PCNX1: variants seen among roughly 807,000 people sequenced by gnomAD.
The protein encoded by PCNX1 is pecanex-like protein 1.
PCNX1 carries 78 observed loss-of-function variants against 242.2 expected under a neutral mutation model. That is an observed-to-expected ratio of 0.32 (90% CI 0.27 to 0.39). PCNX1 has a LOEUF of 0.39. PCNX1 is among the 10% of genes least tolerant of loss of function. The pLI is 1.00. For synonymous variants in PCNX1, 1,024 were observed against 1,032.9 expected (o/e 0.99, Z 0.17); for missense variants, 2,581 against 2,856.5 (o/e 0.90, Z 2.20).
intron 11 of PCNX1, among the ~76,000 whole-genome samples, chr14:71,014,482 A>T (rs1036099916): frequency 1.3e-5 from 2 of 152,236 alleles, no homozygotes; most frequent in African/African-American, 4.8e-5. Context: ...TAAAACAGTT[A>T]TAACTGCTTT....
At chr14:70,928,089 T>A (rs1280372659) in intron 1 of PCNX1, among the ~76,000 whole-genome samples, 1 of 152,204 alleles carries the variant, frequency 6.6e-6, no homozygotes, top group Non-Finnish European at 1.5e-5. Context: ...TTATTTTGAT[T>A]CTTAAAAGCT....
At chr14:70,982,247 G>T (rs1422223378) in intron 6 of PCNX1, among the ~76,000 whole-genome samples, 3 of 152,122 alleles carry the variant, frequency 2.0e-5, no homozygotes, top group Non-Finnish European at 4.4e-5. Context: ...GGACTCTCAA[G>T]TCTAATAAAC....
At chr14:70,950,376 G>T (rs566841694) in intron 2 of PCNX1, among the ~76,000 whole-genome samples, 1 of 152,214 alleles carries the variant, frequency 6.6e-6, no homozygotes, top group South Asian at 2.1e-4. Context: ...ATGATGCACA[G>T]TATCTCATTA....
At chr14:70,920,813 G>A (rs1351584691) in intron 1 of PCNX1, among the ~76,000 whole-genome samples, 1 of 152,312 alleles carries the variant, frequency 6.6e-6, no homozygotes, top group Non-Finnish European at 1.5e-5. Flanking sequence ...GAAGGAGGAT[G>A]TAATTATTTC....
At chr14:70,914,745 A>C (rs1464914836) in intron 1 of PCNX1, among the ~76,000 whole-genome samples, 2 of 152,174 alleles carry the variant, frequency 1.3e-5, no homozygotes, top group African/African-American at 2.4e-5. Context: ...AGGGAGATGC[A>C]TGTAAATTAA....
intron 22 of PCNX1, among the ~76,000 whole-genome samples, chr14:71,050,429 A>G (rs2060994319): frequency 6.6e-6 from 1 of 152,196 alleles, no homozygotes; most frequent in South Asian, 2.1e-4. Context: ...AAATCCATAT[A>G]TAGCTACCTA....
rs749537800 is a variant in PCNX1, at chr14:70,907,808, A to ACGGCGG, written c.-28_-23dup. ...AGGCCGAGCTGGGGCCGGGGCGGGG[A>ACGGCGG]CGGCGGCGGCGGCGGCGGCGACGGC... is the stretch of plus-strand genomic sequence containing the variant. On this transcript the variant is annotated 5_prime_UTR_variant, in exon 1 of 36. Coordinates refer to ENST00000304743, the MANE Select transcript of PCNX1 (RefSeq NM_014982.3). The ACGGCGG allele has an allele frequency of 9.7e-5, 118 of 1,216,740 alleles. No homozygotes were observed. The highest frequency in any genetic ancestry group is 8.2e-4 in the African/African-American group (49 of 59,972). 75.4% of individuals were successfully genotyped at this position (1,216,740 alleles called of 1,614,324 possible).
intron 28 of PCNX1, among the ~76,000 whole-genome samples, chr14:71,079,824 C>G (rs752293488): frequency 6.6e-6 from 1 of 152,116 alleles, no homozygotes; most frequent in Admixed American, 6.5e-5. Flanking sequence ...TGTAGGTTGC[C>G]TGTTCACTCT....
chr14:71,067,799 C>A (rs1000644646), intron 26 of PCNX1, among the ~76,000 whole-genome samples: 1 of 151,814 alleles, frequency 6.6e-6, no homozygotes, highest in Non-Finnish European at 1.5e-5. Flanking sequence ...GATTCTGGTA[C>A]GTTGTGTCTT....
At chr14:71,105,545 G>T in intron 33 of PCNX1, 105 bp downstream of exon 33, 1 of 858,260 alleles carries the variant, frequency 1.2e-6, no homozygotes, top group Non-Finnish European at 1.8e-6. Context: ...TGGAAATTCA[G>T]AAATAGAATT....
Position 71,026,776 on chromosome 14 carries a change from T to C in PCNX1, c.3360T>C (p.Phe1120=), listed in dbSNP as rs1190855488. The C allele has an allele frequency of 7.2e-7, 1 of 1,397,192 alleles. No individual in the cohort carries two copies. The highest frequency in any genetic ancestry group is 1.0e-6 in the Non-Finnish European group (1 of 985,772). The allele number at this position is 1,397,192 out of a possible 1,614,324, so 86.5% of individuals were successfully genotyped here. A position where few individuals can be genotyped will look rare whatever the true frequency, so the allele number is the denominator to read the frequency against. ...TACTTTTCTTTCTTTTTATAGTGTT[T>C]ACACTCTGTTTCCCAATAGTGTTTT... ...FISARDLVIV[F]TLCFPIVFFI... is the part of the protein sequence containing the mutation. Residue 1120 remains phenylalanine (F), a synonymous_variant, in exon 15 of 36, where the codon TTT becomes TTC. Transcript: ENST00000304743.
chr14:71,088,660 A>G (rs917918085), intron 29 of PCNX1, among the ~76,000 whole-genome samples: 9 of 152,178 alleles, frequency 5.9e-5, no homozygotes, highest in African/African-American at 2.2e-4. Flanking sequence ...ATGAGAATAT[A>G]ATGAATTTAA....
At chr14:70,993,586 AT>A (rs1381835387) in intron 7 of PCNX1, among the ~76,000 whole-genome samples, 1 of 152,170 alleles carries the variant, frequency 6.6e-6, no homozygotes, top group Non-Finnish European at 1.5e-5. Flanking sequence ...TATATTGGAT[AT>A]ACATTGTGCA....
At chr14:71,069,798 G>C (rs776952092) in intron 26 of PCNX1, among the ~76,000 whole-genome samples, 15 of 152,222 alleles carry the variant, frequency 9.9e-5, no homozygotes, top group Non-Finnish European at 1.9e-4. Context: ...GTTGATGGCT[G>C]CTAACTGGTC....
intron 8 of PCNX1, among the ~76,000 whole-genome samples, chr14:71,003,102 A>ATTTTTTTTTTTTTTTTT (rs2059556546): frequency 3.9e-5 from 1 of 25,744 alleles, no homozygotes; most frequent in African/African-American, 3.1e-4. Flanking sequence ...TTTTTTTTTG[A>ATTTTTTTTTTTTTTTTT]GACAGAGTCT....
chr14:71,062,733 T>C (rs1008519961), intron 26 of PCNX1, among the ~76,000 whole-genome samples: 6 of 152,222 alleles, frequency 3.9e-5, no homozygotes, highest in Non-Finnish European at 7.3e-5. Context: ...TCTACAGTAG[T>C]GTACAGTAAC....
In PCNX1 at chr14:71,068,667, C is replaced by G. The variant is rs1023519519; in HGVS notation, c.4853-4878C>G. The stretch of plus-strand genomic sequence containing the variant: ...ATATTGTTGCATGTATAGTCACAAG[C>G]AAAATTACAGTTATTTTTTATGTGA... On this transcript the variant is annotated intron_variant, in intron 26 of 35. Coordinates refer to ENST00000304743, the MANE Select transcript of PCNX1 (RefSeq NM_014982.3). Among the ~76,000 whole-genome samples the G allele has an allele frequency of 7.1e-5, 8 of 112,906 alleles. 1 individual carries two copies. Among genetic ancestry groups the G allele is most frequent in the Non-Finnish European group, 1.4e-4 (8 of 58,800 alleles). The allele number at this position is 112,906 out of a possible 152,430, so 74.1% of individuals were successfully genotyped here. A position where few individuals can be genotyped will look rare whatever the true frequency, so the allele number is the denominator to read the frequency against.
intron 28 of PCNX1, among the ~76,000 whole-genome samples, chr14:71,081,859 A>G (rs538658501): frequency 6.6e-6 from 1 of 152,052 alleles, no homozygotes; most frequent in African/African-American, 2.4e-5. Flanking sequence ...TATCTCCTTC[A>G]GTTCTGCTCT....
At chr14:71,084,867 G>A (rs1287776498) in intron 28 of PCNX1, among the ~76,000 whole-genome samples, 1 of 152,150 alleles carries the variant, frequency 6.6e-6, no homozygotes, top group African/African-American at 2.4e-5. Flanking sequence ...GTTCTGTCTC[G>A]CTGGCATTCC....
Sources: allele counts gnomAD v4.1 joint callset (sites outside exome capture counted in the v4.1 genomes callset), GRCh38; gene constraint gnomAD v4.1.1; transcripts MANE v1.5; gene names NCBI Gene and HGNC (gene_info 2026-07-23, HGNC 2026-07-21).